The following ERBB4 variants were observed in gnomAD, a reference collection of about 807,000 sequenced individuals.
ERBB4 encodes the protein erb-b2 receptor tyrosine kinase 4, also known as receptor tyrosine-protein kinase erbB-4.
Under a neutral mutation model 158.0 loss-of-function variants are expected in ERBB4, and 42 were observed. That is an observed-to-expected ratio of 0.27 (90% CI 0.21 to 0.34). The LOEUF is 0.34. Among genes scored for constraint, ERBB4 ranks in the 10% least tolerant of loss-of-function variants. The pLI is 1.00. For synonymous variants in ERBB4, 583 were observed against 558.7 expected, an observed-to-expected ratio of 1.04 and a Z score of -0.61; for missense variants, 1,333 against 1,624.1, an observed-to-expected ratio of 0.82 and a Z score of 3.08.
chr2:211,685,027 C>T (rs2072507116), intron 12 of ERBB4, among the ~76,000 whole-genome samples: 4 of 152,184 alleles, frequency 2.6e-5, no homozygotes, highest in Admixed American at 6.5e-5. Flanking sequence ...AAGAAGATAT[C>T]GGTTCTGTAA....
Position 212,085,524 on chromosome 2 carries a change from C to T in ERBB4, c.234+39228G>A, listed in dbSNP as rs189346678. On this transcript the variant is annotated intron_variant, in intron 2 of 27. Coordinates refer to ENST00000342788, the MANE Select transcript of ERBB4 (RefSeq NM_005235.3). Reference sequence around the variant, plus strand: ...GGTATTAGTATCTGGAGCCTGACACCTGACTGAAGAGTGGCAAAATAGACA... The same window carrying T: ...GGTATTAGTATCTGGAGCCTGACACTTGACTGAAGAGTGGCAAAATAGACA... Among the ~76,000 whole-genome samples, 317 of 151,974 alleles carry T rather than the reference C, an allele frequency of 2.1e-3. 1 individual carries two copies. The highest frequency in any genetic ancestry group is 2.7e-3 in the Non-Finnish European group (182 of 67,866).
chr2:211,517,253 A>T (rs2125630557), intron 20 of ERBB4, among the ~76,000 whole-genome samples: 1 of 152,256 alleles, frequency 6.6e-6, no homozygotes, highest in African/African-American at 2.4e-5. Context: ...TTAATATAAA[A>T]TAAGACTAAA....
At chr2:211,483,823 C>A (rs1334193003) in intron 20 of ERBB4, among the ~76,000 whole-genome samples, 1 of 151,968 alleles carries the variant, frequency 6.6e-6, no homozygotes, top group Non-Finnish European at 1.5e-5. Context: ...AGTGCTGGGA[C>A]TACAGGCATG....
At chr2:211,854,119 A>G (rs2106043639) in intron 3 of ERBB4, among the ~76,000 whole-genome samples, 1 of 152,284 alleles carries the variant, frequency 6.6e-6, no homozygotes. Flanking sequence ...GTGTAACAAC[A>G]GTAAAAATTA....
intron 3 of ERBB4, among the ~76,000 whole-genome samples, chr2:211,883,116 C>T (rs1235144640): frequency 6.6e-6 from 1 of 152,130 alleles, no homozygotes; most frequent in African/African-American, 2.4e-5. Context: ...ACTATGCAGC[C>T]ATAAAAAATG....
chr2:211,563,018 GC>G (rs2067448510), intron 19 of ERBB4, among the ~76,000 whole-genome samples: 1 of 151,932 alleles, frequency 6.6e-6, no homozygotes, highest in African/African-American at 2.4e-5. Context: ...TGATCCGCCC[GC>G]CTCGGCCTCC....
intron 15 of ERBB4, among the ~76,000 whole-genome samples, chr2:211,661,732 A>T (rs1033521729): frequency 1.3e-5 from 2 of 152,106 alleles, no homozygotes; most frequent in African/African-American, 2.4e-5. Context: ...AGAATATTTT[A>T]AAAATGGATA....
intron 2 of ERBB4, among the ~76,000 whole-genome samples, chr2:212,107,137 C>T (rs1328095959): frequency 1.3e-5 from 2 of 152,178 alleles, no homozygotes; most frequent in African/African-American, 4.8e-5. Context: ...AATAGATCCA[C>T]CAATGACTTG....
At chr2:212,430,633 G>C (rs537208828) in intron 1 of ERBB4, among the ~76,000 whole-genome samples, 1 of 151,740 alleles carries the variant, frequency 6.6e-6, no homozygotes, top group Non-Finnish European at 1.5e-5. Context: ...GTAGAGATGG[G>C]GTTTCACCAT....
intron 20 of ERBB4, among the ~76,000 whole-genome samples, chr2:211,555,764 A>C (rs2067220602): frequency 6.6e-6 from 1 of 152,180 alleles, no homozygotes. Context: ...TTTTCAGACA[A>C]GCAAATGTTG....
At chr2:212,393,917 TC>T (rs919250189) in intron 1 of ERBB4, among the ~76,000 whole-genome samples, 46 of 152,074 alleles carry the variant, frequency 3.0e-4, no homozygotes, top group African/African-American at 1.1e-3. Context: ...GCCTCCCATT[TC>T]CCCTCTGCCA....
intron 3 of ERBB4, among the ~76,000 whole-genome samples, chr2:211,887,079 A>C (rs1029286224): frequency 6.6e-5 from 10 of 152,170 alleles, no homozygotes; most frequent in African/African-American, 2.4e-4. Context: ...ACATTACTTA[A>C]TTGGCTCTGG....
chr2:212,167,847 C>A (rs2081394228), intron 1 of ERBB4, among the ~76,000 whole-genome samples: 1 of 151,994 alleles, frequency 6.6e-6, no homozygotes, highest in African/African-American at 2.4e-5. Context: ...GAACAGAAAA[C>A]CAAACACCAC....
intron 1 of ERBB4, among the ~76,000 whole-genome samples, chr2:212,517,163 T>G (rs994313874): frequency 5.3e-5 from 8 of 152,306 alleles, no homozygotes; most frequent in Non-Finnish European, 5.9e-5. Context: ...AACTTTGGTT[T>G]GCTCAACAGC....
At position 211,742,106 on chromosome 2, in the gene ERBB4, GA is replaced by G. The variant is rs532255125; in HGVS notation, c.622+8532del. The stretch of plus-strand genomic sequence containing the variant: ...GTAAAATACAAGGGTTTTAATTAAA[GA>G]TGTTGGCGTGTACAAAGACTCGCTG... On this transcript the variant is annotated intron_variant, in intron 5 of 27. Transcript: ENST00000342788. 2.2e-4 allele frequency among the ~76,000 whole-genome samples: 34 copies of G among 152,324 alleles called. No individual in the cohort carries two copies. In the South Asian group the frequency reaches 6.6e-3, roughly 30 times the overall value.
intron 1 of ERBB4, among the ~76,000 whole-genome samples, chr2:212,397,957 C>T (rs779571603): frequency 4.0e-5 from 6 of 151,718 alleles, no homozygotes; most frequent in African/African-American, 4.8e-5. Context: ...AAACATCATA[C>T]GGCCATTTCA....
intron 1 of ERBB4, among the ~76,000 whole-genome samples, chr2:212,490,381 C>T (rs1326354168): frequency 4.0e-5 from 6 of 151,714 alleles, no homozygotes; most frequent in Non-Finnish European, 8.9e-5. Flanking sequence ...GCTTTTCATT[C>T]CTTTTATTAA....
At chr2:212,036,815 TA>T (rs201431972) in intron 2 of ERBB4, among the ~76,000 whole-genome samples, 2 of 152,100 alleles carry the variant, frequency 1.3e-5, no homozygotes, top group South Asian at 2.1e-4. Flanking sequence ...TAGATTCTAT[TA>T]AAAAAATACT....
intron 12 of ERBB4, among the ~76,000 whole-genome samples, chr2:211,701,034 T>C (rs376250710): frequency 5.9e-5 from 9 of 152,192 alleles, no homozygotes; most frequent in African/African-American, 1.7e-4. Context: ...GGAGTATCAG[T>C]GTATTCGATA....
Sources: gnomAD v4.1 joint callset for allele counts (sites outside exome capture counted in the v4.1 genomes callset) on GRCh38, gnomAD v4.1.1 for gene constraint, MANE v1.5 for transcripts, NCBI Gene and HGNC (gene_info 2026-07-23, HGNC 2026-07-21) for gene names.